The following ODR4 variants were observed in gnomAD, a reference collection of about 807,000 sequenced individuals.
The protein encoded by ODR4 is odr-4 GPCR localization factor homolog, also known as protein odr-4 homolog.
In ODR4, 47 loss-of-function variants were observed where a neutral mutation model predicts 60.2. That is an observed-to-expected ratio of 0.78 (90% CI 0.62 to 1.00). The LOEUF is 1.00. Ranked by LOEUF, ODR4 falls within the 50% of genes least tolerant of loss-of-function variation. The pLI is 0.00. For missense variants in ODR4, 488 were observed against 530.8 expected (o/e 0.92, Z 0.79); for synonymous variants, 178 against 175.5 (o/e 1.01, Z -0.11).
chr1:186,390,082 G>A (rs563988410), intron 6 of ODR4, among the ~76,000 whole-genome samples: 10 of 152,064 alleles, frequency 6.6e-5, no homozygotes, highest in Admixed American at 5.9e-4. Context: ...CTGAGATTAC[G>A]GGCTTGAGCC....
intron 1 of ODR4, among the ~76,000 whole-genome samples, chr1:186,378,253 C>T (rs866327166): frequency 3.3e-5 from 5 of 152,090 alleles, no homozygotes; most frequent in Non-Finnish European, 4.4e-5. Context: ...TCTCTGGTAG[C>T]CTTAACTTTG....
rs1481848758 is a variant in ODR4 at position 186,421,092 on chromosome 1, T to C, written c.*2016T>C. 4 of 152,148 alleles carry C rather than the reference T, an allele frequency of 2.6e-5. No individual in the cohort carries two copies. In the East Asian group the frequency reaches 7.7e-4, roughly 29 times the overall value. 9.4% of individuals were successfully genotyped at this position (152,148 alleles called of 1,614,324 possible). A position where few individuals can be genotyped will look rare whatever the true frequency, so the allele number is the denominator to read the frequency against. On this transcript the variant is annotated 3_prime_UTR_variant, in exon 14 of 14. Transcript: ENST00000287859. The stretch of plus-strand genomic sequence containing the variant: ...AAGAGGGTAGAATTCTGAGAAAAAC[T>C]ATTAGCTTAGAATTTGCAACAAGCG...
At chr1:186,381,063 C>T (rs1364120204) in intron 2 of ODR4, among the ~76,000 whole-genome samples, 4 of 152,220 alleles carry the variant, frequency 2.6e-5, no homozygotes, top group Admixed American at 2.6e-4. Context: ...GCCAGACTGC[C>T]TCTCTTGAGA....
Position 186,419,399 on chromosome 1 carries a change from A to G in ODR4, c.*323A>G, listed in dbSNP as rs1661698640. 4 of 301,214 alleles carry G rather than the reference A, an allele frequency of 1.3e-5. No homozygotes were observed. The South Asian group carries it at 1.6e-4, about 12-fold the overall frequency. 18.7% of individuals were successfully genotyped at this position (301,214 alleles called of 1,614,324 possible). ...TTTTAGTCTTACTAATCTGAATCAC[A>G]TATTAATCAGGACATTAAAAACTTT... On this transcript the variant is annotated 3_prime_UTR_variant, in exon 14 of 14. Transcript: ENST00000287859.
At chr1:186,384,806 A>T (rs1660190671) in intron 3 of ODR4, among the ~76,000 whole-genome samples, 1 of 152,186 alleles carries the variant, frequency 6.6e-6, no homozygotes, top group Non-Finnish European at 1.5e-5. Flanking sequence ...GTGCTACTAT[A>T]GTAAATAGAA....
intron 11 of ODR4, 91 bp downstream of exon 11, chr1:186,399,135 C>A: frequency 1.2e-6 from 1 of 810,792 alleles, no homozygotes; most frequent in Non-Finnish European, 2.1e-6. Context: ...TCTTTTATAG[C>A]TACCTATCTA....
chr1:186,428,187 C>T, the ODR4 span, among the ~76,000 whole-genome samples: 1 of 152,196 alleles, frequency 6.6e-6, no homozygotes, highest in Admixed American at 6.5e-5. Flanking sequence ...GATCTTCTTC[C>T]AATAGAAGAC....
At position 186,406,117 on chromosome 1, in the gene ODR4, A is replaced by T; in HGVS notation, c.1035A>T (p.Arg345=). ...SEKEFHVLPY[R]VFVPLPGSTV... Reference sequence around the variant, plus strand: ...AAGAGTTCCACGTCCTCCCTTATCGAGTCTTTGTTCCCCTTCCTGGATCCA... The same window carrying T: ...AAGAGTTCCACGTCCTCCCTTATCGTGTCTTTGTTCCCCTTCCTGGATCCA... Residue 345 remains arginine, a synonymous_variant, in exon 12 of 14, where the codon CGA becomes CGT. Coordinates refer to ENST00000287859, the MANE Select transcript of ODR4 (RefSeq NM_017847.6). 6.3e-7 allele frequency: 1 copy of T among 1,596,726 alleles called. No homozygotes were observed.
At chr1:186,434,532 G>A in the ODR4 span, among the ~76,000 whole-genome samples, 1 of 152,178 alleles carries the variant, frequency 6.6e-6, no homozygotes, top group East Asian at 1.9e-4. Context: ...CCAAATGGAG[G>A]TTTAAAAGTC....
chr1:186,420,915 T>C lies in ODR4; in HGVS notation c.*1839T>C, dbSNP rs975408713. The stretch of plus-strand genomic sequence containing the variant: ...GGAAGCACAATATATACCAAACATA[T>C]ATTTAAATAAAATCCAGGCCTAGAC... On this transcript the variant is annotated 3_prime_UTR_variant, in exon 14 of 14. Transcript: ENST00000287859. 1 of 152,152 alleles carries C rather than the reference T, an allele frequency of 6.6e-6. No individual in the cohort carries two copies. Among genetic ancestry groups the C allele is most frequent in the African/African-American group, 2.4e-5 (1 of 41,430 alleles). The allele number at this position is 152,152 out of a possible 1,614,324, so 9.4% of individuals were successfully genotyped here. A position where few individuals can be genotyped will look rare whatever the true frequency, so the allele number is the denominator to read the frequency against.
At chr1:186,413,542 A>G (rs1661447907) in intron 12 of ODR4, among the ~76,000 whole-genome samples, 1 of 152,180 alleles carries the variant, frequency 6.6e-6, no homozygotes, top group Admixed American at 6.5e-5. Flanking sequence ...CTCCTAGTAG[A>G]TGTTAACTTG....
rs138162890 is a variant in ODR4 at position 186,412,840 on chromosome 1, T to C, written c.1187-4704T>C. On this transcript the variant is annotated intron_variant, in intron 12 of 13. Coordinates refer to ENST00000287859, the MANE Select transcript of ODR4 (RefSeq NM_017847.6). ...AATGCTTTCTAAACAGAAAGAGATA[T>C]ATAAATGGAGGATGATATTAACACA... is the stretch of plus-strand genomic sequence containing the variant. 1.7e-4 allele frequency among the ~76,000 whole-genome samples: 26 copies of C among 152,234 alleles called. No homozygotes were observed. In the East Asian group the frequency reaches 4.3e-3, roughly 25 times the overall value.
chr1:186,389,157 TTAAC>T (rs1158751102), intron 5 of ODR4, among the ~76,000 whole-genome samples: 41 of 151,904 alleles, frequency 2.7e-4, no homozygotes, highest in Non-Finnish European at 5.0e-4. Context: ...TTTTTTTTTT[TTAAC>T]AACAACAAAA....
At chr1:186,394,939 G>A (rs988749864) in intron 9 of ODR4, among the ~76,000 whole-genome samples, 1 of 152,052 alleles carries the variant, frequency 6.6e-6, no homozygotes, top group African/African-American at 2.4e-5. Flanking sequence ...CTACTTATGT[G>A]CTTTTCACTA....
At chr1:186,422,003 A>G (rs1244413288), downstream of ODR4, among the ~76,000 whole-genome samples, 1 of 152,076 alleles carries the variant, frequency 6.6e-6, no homozygotes, top group Admixed American at 6.6e-5. Context: ...AAGTAAGATA[A>G]TAACAAGTCT....
chr1:186,412,344 G>C (rs979464830), intron 12 of ODR4, among the ~76,000 whole-genome samples: 2 of 152,126 alleles, frequency 1.3e-5, no homozygotes, highest in African/African-American at 4.8e-5. Context: ...CTCTGTAAGG[G>C]ATTCAGGGAA....
At chr1:186,413,871 G>A (rs751532979) in intron 12 of ODR4, among the ~76,000 whole-genome samples, 2 of 152,106 alleles carry the variant, frequency 1.3e-5, no homozygotes, top group Non-Finnish European at 2.9e-5. Context: ...AATGAAATCT[G>A]AACACGTCTG....
At chr1:186,428,438 T>C in the ODR4 span, among the ~76,000 whole-genome samples, 2 of 152,234 alleles carry the variant, frequency 1.3e-5, no homozygotes, top group African/African-American at 4.8e-5. Context: ...GGCCTTGCTC[T>C]GGACTAGGCT....
intron 1 of ODR4, among the ~76,000 whole-genome samples, chr1:186,376,522 G>A (rs1462256809): frequency 6.6e-6 from 1 of 152,122 alleles, no homozygotes; most frequent in Admixed American, 6.5e-5. Context: ...CTGTGAATTG[G>A]TGATTTAGTT....
Sources: allele counts gnomAD v4.1 joint callset (sites outside exome capture counted in the v4.1 genomes callset), GRCh38; gene constraint gnomAD v4.1.1; transcripts MANE v1.5; gene names NCBI Gene and HGNC (gene_info 2026-07-23, HGNC 2026-07-21).